RTL1: variants seen among roughly 807,000 people sequenced by gnomAD.
RTL1 encodes retrotransposon Gag like 1.
For synonymous variants in RTL1, 727 were observed against 748.4 expected (o/e 0.97, Z 0.47); for missense variants, 1,681 against 1,767.5 (o/e 0.95, Z 0.88).
chr14:100,899,711 T>TAAA (rs10660256), intron 2 of RTL1, among the ~76,000 whole-genome samples: 5,576 of 142,806 alleles, frequency 0.039, 151 homozygotes, highest in Non-Finnish European at 0.05. Flanking sequence ...TTCCTGATAT[T>TAAA]AAAAAAAAAA....
At chr14:100,897,062 C>G (rs2140055399) in intron 2 of RTL1, among the ~76,000 whole-genome samples, 1 of 152,324 alleles carries the variant, frequency 6.6e-6, no homozygotes, top group East Asian at 1.9e-4. Context: ...GTGGTGAAAT[C>G]ACAGCCCTGG....
chr14:100,900,152 A>G (rs551769929), intron 2 of RTL1, among the ~76,000 whole-genome samples: 4 of 152,370 alleles, frequency 2.6e-5, no homozygotes, highest in African/African-American at 9.6e-5. Context: ...TTTGAGGCTC[A>G]TATTTTACAG....
intron 2 of RTL1, among the ~76,000 whole-genome samples, chr14:100,900,388 T>A (rs534134895): frequency 6.6e-6 from 1 of 152,244 alleles, no homozygotes; most frequent in African/African-American, 2.4e-5. Context: ...TCGGCCGCTG[T>A]GAACAAAGGC....
rs376085745 is a variant in RTL1, at chr14:100,884,442, C to G, written c.347G>C (p.Gly116Ala). Reference protein sequence around the residue: ...SHQARGDPLSGASDRMKEASV... With the variant: ...SHQARGDPLSAASDRMKEASV... The stretch of plus-strand genomic sequence containing the variant: ...TGCTTCTTTCATCCTATCAGATGCT[C>G]CACTGAGTGGATCCCCCCTTGCCTG... Residue 116 changes from glycine (G) to alanine (A), a missense_variant, in exon 4 of 4, where the codon GGA becomes GCA. Coordinates refer to ENST00000649591, the MANE Select transcript of RTL1 (RefSeq NM_001134888.3). 6.2e-7 allele frequency: 1 copy of G among 1,613,984 alleles called. No individual in the cohort carries two copies. The highest frequency in any genetic ancestry group is 1.1e-5 in the South Asian group (1 of 90,966).
At chr14:100,888,904 C>T (rs561415717) in intron 3 of RTL1, among the ~76,000 whole-genome samples, 94 of 152,278 alleles carry the variant, frequency 6.2e-4, no homozygotes, top group Middle Eastern at 3.4e-3. Context: ...TTGGCACTCC[C>T]CCAAGATAGA....
Position 100,884,419 on chromosome 14 carries a change from C to A in RTL1, c.370G>T (p.Ala124Ser), listed in dbSNP as rs1328865190. Residue 124 changes from alanine to serine, a missense_variant, in exon 4 of 4, where the codon GCA (alanine) becomes TCA (serine). Ala to Ser is a moderately conservative substitution (Grantham distance 99). Transcript: ENST00000649591. The stretch of plus-strand genomic sequence containing the variant: ...CGGGCTCCCGATGGGTTGACTGATG[C>A]TTCTTTCATCCTATCAGATGCTCCA... ...LSGASDRMKEASVNPSGAREE... is the reference protein window; with the variant it reads ...LSGASDRMKESSVNPSGAREE... 1 of 1,612,308 alleles carries A rather than the reference C, an allele frequency of 6.2e-7. No individual in the cohort carries two copies. The highest frequency in any genetic ancestry group is 2.2e-5 in the East Asian group (1 of 44,856).
At position 100,893,447 on chromosome 14, in the gene RTL1, G is replaced by A. The variant is rs150783795; in HGVS notation, c.-90C>T. 4.7e-4 allele frequency among the ~76,000 whole-genome samples: 71 copies of A among 152,250 alleles called. No individual in the cohort carries two copies. The highest frequency in any genetic ancestry group is 1.7e-3 in the African/African-American group (69 of 41,534). On this transcript the variant is annotated 5_prime_UTR_variant, in exon 3 of 4. Coordinates refer to ENST00000649591, the MANE Select transcript of RTL1 (RefSeq NM_001134888.3). The surrounding 1 kb of genome is among the most constrained non-coding windows in gnomAD (Gnocchi z 4.2). Reference sequence around the variant, plus strand: ...GGACCTCTGCCCCACATCTTACCTTGGCTGCAAGCGTTCAAGTGGATCTCC... The same window carrying A: ...GGACCTCTGCCCCACATCTTACCTTAGCTGCAAGCGTTCAAGTGGATCTCC...
intron 3 of RTL1, among the ~76,000 whole-genome samples, chr14:100,887,703 T>C (rs913293869): frequency 5.9e-5 from 9 of 151,948 alleles, no homozygotes; most frequent in African/African-American, 2.2e-4. Flanking sequence ...TGAGCCGAGA[T>C]TGCGCCGCTG....
rs749982427 is a variant in RTL1 at position 100,883,129 on chromosome 14, C to T, written c.1660G>A (p.Gly554Arg). ...AGGTCTGAGTATGGGTGTGGCAGTC[C>T]GGGTAGCAGGCTCATGCCGTGCCTC... The part of the protein sequence containing the change: ...LERHGMSLLP[G>R]LPHPYSDLAD... The change falls in exon 4 of 4, where the codon GGA becomes AGA. Residue 554 changes from glycine to arginine, a missense_variant. By Grantham distance (125) the Gly-to-Arg change is moderately radical (BLOSUM62 -2). Coordinates refer to ENST00000649591, the MANE Select transcript of RTL1 (RefSeq NM_001134888.3). The surrounding 1 kb of genome is among the most constrained non-coding windows in gnomAD (Gnocchi z 5.9). The T allele has an allele frequency of 1.2e-5, 20 of 1,610,624 alleles. No homozygotes were observed. The highest frequency in any genetic ancestry group is 1.6e-5 in the Non-Finnish European group (19 of 1,178,314).
At chr14:100,900,384 G>A (rs908010901) in intron 2 of RTL1, among the ~76,000 whole-genome samples, 5 of 152,302 alleles carry the variant, frequency 3.3e-5, no homozygotes, top group Middle Eastern at 3.4e-3. Context: ...CTCCTCGGCC[G>A]CTGTGAACAA....
chr14:100,897,751 C>T (rs34074442), intron 2 of RTL1: 22,214 of 50,510 alleles, frequency 0.44, 4,487 homozygotes, highest in Non-Finnish European at 0.49. Context: ...CCCTGGTTGG[C>T]GGGGGGGGGG....
In RTL1 at chr14:100,894,316, AAAAAAAAAAAG is replaced by A. The variant is rs775123900; in HGVS notation, c.-148-822_-148-812del. On this transcript the variant is annotated intron_variant, in intron 2 of 3. Transcript: ENST00000649591. Reference sequence around the variant, plus strand: ...CAGAGTGAAACTCCGTCTCAAAAAAAAAAAAAAAAAGAAAAAAAAAGAAAAGAAAAAAACGT... The same window carrying A: ...CAGAGTGAAACTCCGTCTCAAAAAAAAAAAAAAAAGAAAAGAAAAAAACGT... 2.5e-3 allele frequency among the ~76,000 whole-genome samples: 369 copies of A among 147,386 alleles called. 1 individual carries two copies. Among genetic ancestry groups the A allele is most frequent in the Middle Eastern group, 0.019 (5 of 262 alleles).
intron 3 of RTL1, among the ~76,000 whole-genome samples, chr14:100,887,671 G>A (rs1324476390): frequency 2.0e-5 from 3 of 151,840 alleles, no homozygotes; most frequent in Non-Finnish European, 4.4e-5. Context: ...CGGGAGAATC[G>A]CTTGAACCTT....
At chr14:100,892,961 A>G (rs564859391) in intron 3 of RTL1, among the ~76,000 whole-genome samples, 295 of 152,074 alleles carry the variant, frequency 1.9e-3, no homozygotes, top group Non-Finnish European at 3.1e-3. Context: ...GGCCCCCGAG[A>G]GACAGAGGCA....
At chr14:100,897,918 TC>T (rs1566761020) in intron 2 of RTL1, 1 of 514,184 alleles carries the variant, frequency 1.9e-6, no homozygotes, top group East Asian at 5.5e-5. Flanking sequence ...AGGGGGCTTT[TC>T]TGGACCAATG....
chr14:100,882,287 C>T lies in RTL1; in HGVS notation c.2502G>A (p.Val834=). ...ACTGGTAGGAGCTCAGCAGCTGCCGCACCAGGGGCTCTGCGATGATGCTGA... is the reference window on the plus strand; with the variant it reads ...ACTGGTAGGAGCTCAGCAGCTGCCGTACCAGGGGCTCTGCGATGATGCTGA... The part of the protein sequence containing the change: ...ERFSIIAEPL[V]RQLLSSYQFY... Residue 834 remains valine (V), a synonymous_variant, in exon 4 of 4, where the codon GTG becomes GTA. Transcript: ENST00000649591. 2.6e-6 allele frequency: 4 copies of T among 1,551,670 alleles called. No individual in the cohort carries two copies. The highest frequency in any genetic ancestry group is 3.5e-6 in the Non-Finnish European group (4 of 1,147,014).
chr14:100,900,884 A>G (rs1394914478), intron 2 of RTL1, among the ~76,000 whole-genome samples: 1 of 152,184 alleles, frequency 6.6e-6, no homozygotes, highest in African/African-American at 2.4e-5. Flanking sequence ...GCTTCAAATC[A>G]ACCTTTTAAT....
intron 2 of RTL1, among the ~76,000 whole-genome samples, chr14:100,901,960 C>T (rs1320069041): frequency 1.3e-5 from 2 of 152,202 alleles, no homozygotes; most frequent in African/African-American, 4.8e-5. Context: ...CTGGCCACCT[C>T]GCTCACTTGC....
At position 100,881,511 on chromosome 14, in the gene RTL1, G is replaced by A; in HGVS notation, c.3278C>T (p.Ala1093Val). 1 of 1,551,680 alleles carries A rather than the reference G, an allele frequency of 6.4e-7. No homozygotes were observed. Among genetic ancestry groups the A allele is most frequent in the South Asian group, 1.2e-5 (1 of 84,064 alleles). The stretch of plus-strand genomic sequence containing the variant: ...CACGCGCAGTAGCACGAGGATGGCT[G>A]CCAGGGCTAGGGTGTTCTTCCAGTA... ...LLYWKNTLAL[A>V]AILVLLRVRQ... is the part of the protein sequence containing the mutation. Residue 1093 changes from alanine to valine, a missense_variant, in exon 4 of 4, where the codon GCA becomes GTA. Transcript: ENST00000649591. This position sits in a 1 kb window ranked among gnomAD's most constrained non-coding sequence, Gnocchi z 6.6.
Sources: gnomAD v4.1 joint callset for allele counts (sites outside exome capture counted in the v4.1 genomes callset) on GRCh38, gnomAD v4.1.1 for gene constraint, Gnocchi (gnomAD v3.1) non-coding constraint, MANE v1.5 for transcripts, NCBI Gene and HGNC (gene_info 2026-07-23, HGNC 2026-07-21) for gene names.